The following FARP2 variants were observed in gnomAD, a reference collection of about 807,000 sequenced individuals.
FARP2 encodes FERM, ARH/RhoGEF and pleckstrin domain protein 2.
In FARP2, 111 loss-of-function variants were observed where a neutral mutation model predicts 130.5. That is an observed-to-expected ratio of 0.85 (90% CI 0.73 to 1.00). The LOEUF (loss-of-function observed/expected upper bound fraction) is 1.00. Among genes scored for constraint, FARP2 ranks in the 50% least tolerant of loss-of-function variants. FARP2 has a pLI of 0.00. For missense variants in FARP2, 1,385 were observed against 1,346.3 expected (o/e 1.03, Z -0.45); for synonymous variants, 504 against 516.9 (o/e 0.98, Z 0.34).
intron 7 of FARP2, among the ~76,000 whole-genome samples, chr2:241,414,431 C>G (rs563625068): frequency 4.8e-4 from 73 of 152,300 alleles, no homozygotes; most frequent in African/African-American, 1.7e-3. Flanking sequence ...GTTTGTTTGT[C>G]AGATCATGTA....
intron 25 of FARP2, 115 bp downstream of exon 25, chr2:241,493,151 A>C (rs1287980694): frequency 3.4e-6 from 4 of 1,162,364 alleles, no homozygotes; most frequent in African/African-American, 3.0e-5. Flanking sequence ...TTGCCCACAC[A>C]CCCTGTGCTG....
At chr2:241,424,883 C>T (rs1273167243) in intron 8 of FARP2, among the ~76,000 whole-genome samples, 2 of 152,104 alleles carry the variant, frequency 1.3e-5, no homozygotes, top group Admixed American at 6.6e-5. Context: ...CATACGCTCT[C>T]CCAAGACTGA....
At chr2:241,398,402 C>T (rs573702277) in intron 2 of FARP2, among the ~76,000 whole-genome samples, 1 of 152,192 alleles carries the variant, frequency 6.6e-6, no homozygotes, top group East Asian at 1.9e-4. Context: ...ACAATATGTA[C>T]TATGTGAAAA....
intron 18 of FARP2, among the ~76,000 whole-genome samples, chr2:241,473,090 T>C (rs1004853879): frequency 6.6e-6 from 1 of 151,120 alleles, no homozygotes; most frequent in African/African-American, 2.4e-5. Context: ...GGGGACCCTG[T>C]TCTGAGGTGG....
At chr2:241,453,445 A>G (rs1237197172) in intron 13 of FARP2, among the ~76,000 whole-genome samples, 5 of 151,152 alleles carry the variant, frequency 3.3e-5, no homozygotes, top group South Asian at 4.2e-4. Flanking sequence ...ACATGGTGAA[A>G]CCCCGTCTCT....
chr2:241,370,234 A>G (rs923258054), intron 1 of FARP2, among the ~76,000 whole-genome samples: 3 of 152,202 alleles, frequency 2.0e-5, no homozygotes, highest in Non-Finnish European at 1.5e-5. Flanking sequence ...AGGATATCCC[A>G]AATACCCTAA....
intron 6 of FARP2, among the ~76,000 whole-genome samples, chr2:241,412,584 C>T (rs2150363594): frequency 6.6e-6 from 1 of 152,148 alleles, no homozygotes; most frequent in South Asian, 2.1e-4. Context: ...CCTTAAAATA[C>T]ATGAAATTAG....
chr2:241,361,868 TTTA>T (rs796784527), intron 1 of FARP2, among the ~76,000 whole-genome samples: 18 of 151,668 alleles, frequency 1.2e-4, no homozygotes, highest in African/African-American at 3.9e-4. Context: ...TCTTGTCCCC[TTTA>T]TTATTATTAT....
intron 2 of FARP2, among the ~76,000 whole-genome samples, chr2:241,398,928 C>T (rs989240042): frequency 6.6e-6 from 1 of 152,054 alleles, no homozygotes; most frequent in East Asian, 1.9e-4. Context: ...GGGTTTATAC[C>T]CCGGACTGGA....
chr2:241,424,967 G>A (rs772478228), intron 8 of FARP2, among the ~76,000 whole-genome samples: 20 of 152,088 alleles, frequency 1.3e-4, no homozygotes, highest in African/African-American at 1.9e-4. Context: ...CAGCACTTTC[G>A]GAGGCCAATG....
At chr2:241,409,038 T>TGATTGATA (rs150148072) in intron 5 of FARP2, among the ~76,000 whole-genome samples, 5 of 145,930 alleles carry the variant, frequency 3.4e-5, no homozygotes, top group East Asian at 2.0e-4. Context: ...GATAGATAGA[T>TGATTGATA]GATAGATAGA....
In FARP2 at chr2:241,459,947, G is replaced by T. The variant is rs2150465640; in HGVS notation, c.1588-2576G>T. ...TCATCAGCGACTGCTGTGGCTCTCT[G>T]ATGGCGTATGTGTCTCTATGTGCCT... On this transcript the variant is annotated intron_variant, in intron 14 of 26. Transcript: ENST00000264042. This position sits in a 1 kb window ranked among gnomAD's most constrained non-coding sequence, Gnocchi z 5.3. Among the ~76,000 whole-genome samples, 1 of 152,316 alleles carries T rather than the reference G, an allele frequency of 6.6e-6. No homozygotes were observed. Among genetic ancestry groups the T allele is most frequent in the South Asian group, 2.1e-4 (1 of 4,830 alleles).
rs766470604 is a variant in FARP2, at chr2:241,484,283, G to A, written c.2373G>A (p.Gly791=). The A allele has an allele frequency of 1.2e-6, 2 of 1,614,090 alleles. No homozygotes were observed. The highest frequency in any genetic ancestry group is 1.7e-6 in the Non-Finnish European group (2 of 1,179,998). The stretch of plus-strand genomic sequence containing the variant: ...TGTACACAAGCAAAGGAGTTGCAGG[G>A]ACCAGCCACTTCCGGATCCGGGGCC... ...MLLYTSKGVA[G]TSHFRIRGLL... The change falls in exon 21 of 27, where the codon GGG becomes GGA. Residue 791 remains glycine, a synonymous_variant. Coordinates refer to ENST00000264042, the MANE Select transcript of FARP2 (RefSeq NM_014808.4).
chr2:241,374,775 A>T (rs2061496679), intron 2 of FARP2, among the ~76,000 whole-genome samples: 3 of 152,216 alleles, frequency 2.0e-5, no homozygotes, highest in South Asian at 4.1e-4. Context: ...GGTAACTGAA[A>T]CTGGTAGGAC....
At chr2:241,364,303 A>G (rs1387954814) in intron 1 of FARP2, among the ~76,000 whole-genome samples, 1 of 152,120 alleles carries the variant, frequency 6.6e-6, no homozygotes, top group Non-Finnish European at 1.5e-5. Flanking sequence ...AGAACTAAGG[A>G]CCTCAGTCCT....
In FARP2 at chr2:241,378,109, A is replaced by T. The variant is rs116564237; in HGVS notation, c.183+4819A>T. 5.5e-3 allele frequency among the ~76,000 whole-genome samples: 814 copies of T among 148,346 alleles called. 4 individuals are homozygous for T. Among genetic ancestry groups the T allele is most frequent in the African/African-American group, 0.019 (776 of 40,532 alleles). On this transcript the variant is annotated intron_variant, in intron 2 of 26. Transcript: ENST00000264042. ...ATGATATTTTTATTTTTATTTTATT[A>T]TTTTTTTTTTGAGGCAGAATTTCAC...
chr2:241,405,224 T>C (rs1469692998), intron 4 of FARP2: 1 of 158,314 alleles, frequency 6.3e-6, no homozygotes, highest in Non-Finnish European at 1.4e-5. Context: ...GTGAATATAA[T>C]AATAACAATT....
chr2:241,471,619 G>T (rs1464580464), intron 18 of FARP2, among the ~76,000 whole-genome samples: 1 of 149,128 alleles, frequency 6.7e-6, no homozygotes, highest in African/African-American at 2.5e-5. Flanking sequence ...TCAGCCTCCC[G>T]AGTAGCTGGG....
chr2:241,357,096 A>G (rs1284579560), intron 1 of FARP2, among the ~76,000 whole-genome samples: 1 of 152,248 alleles, frequency 6.6e-6, no homozygotes, highest in Non-Finnish European at 1.5e-5. Flanking sequence ...TGTGCCATTA[A>G]TGGATGTGAA....
Sources: allele counts gnomAD v4.1 joint callset (sites outside exome capture counted in the v4.1 genomes callset), GRCh38; gene constraint gnomAD v4.1.1; non-coding constraint Gnocchi (gnomAD v3.1); transcripts MANE v1.5; gene names NCBI Gene and HGNC (gene_info 2026-07-23, HGNC 2026-07-21).